The following NLRP13 variants were observed in gnomAD, a reference collection of about 807,000 sequenced individuals.
NLRP13 encodes NLR family pyrin domain containing 13, also known as NACHT, LRR and PYD domains-containing protein 13.
In NLRP13, 82 loss-of-function variants were observed where a neutral mutation model predicts 94.4. That is an observed-to-expected ratio of 0.87 (90% confidence interval 0.73 to 1.04). NLRP13 has a LOEUF of 1.04. Ranked by LOEUF, NLRP13 falls within the 50% of genes least tolerant of loss-of-function variation. The pLI, the probability that NLRP13 is intolerant of heterozygous loss-of-function variation, is 0.00. For missense variants in NLRP13, 1,426 were observed against 1,230.8 expected (o/e 1.16, Z -2.37); for synonymous variants, 553 against 464.7 (o/e 1.19, Z -2.45).
chr19:55,930,113 G>A (rs1368890997), intron 1 of NLRP13, among the ~76,000 whole-genome samples: 3 of 152,100 alleles, frequency 2.0e-5, no homozygotes, highest in Admixed American at 2.0e-4. Context: ...CCGTGTCCAG[G>A]GTTCTGATAT....
intron 9 of NLRP13, among the ~76,000 whole-genome samples, chr19:55,900,199 A>C (rs1344560901): frequency 2.0e-5 from 3 of 152,182 alleles, no homozygotes; most frequent in Non-Finnish European, 2.9e-5. Flanking sequence ...AAAACAAGAA[A>C]GAATTCCCTA....
intron 4 of NLRP13, among the ~76,000 whole-genome samples, chr19:55,918,950 G>A (rs1437466791): frequency 3.9e-5 from 6 of 151,912 alleles, no homozygotes; most frequent in Non-Finnish European, 8.8e-5. Context: ...TATCCCTGAT[G>A]AACATAAGTG....
At chr19:55,926,259 C>T (rs747627785) in intron 1 of NLRP13, among the ~76,000 whole-genome samples, 4 of 152,224 alleles carry the variant, frequency 2.6e-5, no homozygotes, top group Non-Finnish European at 5.9e-5. Context: ...TAGCTGGGAC[C>T]ACCTGTCAGA....
chr19:55,931,718 A>AGACAGAAAGAAAGACAGAAAGAAAG, intron 1 of NLRP13, among the ~76,000 whole-genome samples: 2 of 96,020 alleles, frequency 2.1e-5, no homozygotes, highest in Non-Finnish European at 4.1e-5. Context: ...TCAAAAAAAA[A>AGACAGAAAGAAAGACAGAAAGAAAG]AAAAAAAGAA....
In NLRP13 at chr19:55,911,928, G is replaced by C. The variant is rs1201427838; in HGVS notation, c.1889C>G (p.Ser630Cys). The C allele has an allele frequency of 6.2e-7, 1 of 1,614,176 alleles. No individual in the cohort carries two copies. Among genetic ancestry groups the C allele is most frequent in the South Asian group, 1.1e-5 (1 of 91,078 alleles). Residue 630 changes from serine (S) to cysteine (C), a missense_variant, in exon 5 of 11, where the codon TCT (serine) becomes TGT (cysteine). Ser to Cys is a moderately radical substitution (Grantham distance 112). Coordinates refer to ENST00000342929, the MANE Select transcript of NLRP13 (RefSeq NM_176810.2). ...GEELGKAESA[S>C]LQFHILRLFH... ...AAGTCGTAGAATGTGAAATTGGAGAGAGGCACTTTCAGCCTTACCTAACTC... is the reference window on the plus strand; with the variant it reads ...AAGTCGTAGAATGTGAAATTGGAGACAGGCACTTTCAGCCTTACCTAACTC...
intron 7 of NLRP13, among the ~76,000 whole-genome samples, chr19:55,905,423 A>G (rs1399185085): frequency 1.3e-5 from 2 of 150,782 alleles, no homozygotes; most frequent in Non-Finnish European, 2.9e-5. Context: ...ATACACGTAT[A>G]TATACACACA....
intron 6 of NLRP13, 70 bp from the exon 7 acceptor site, chr19:55,908,026 C>T (rs1183629945): frequency 7.9e-6 from 11 of 1,394,702 alleles, no homozygotes; most frequent in African/African-American, 1.4e-5. Context: ...CGTCTGCCTC[C>T]TCACCCTGCC....
intron 1 of NLRP13, among the ~76,000 whole-genome samples, chr19:55,928,043 C>T (rs546336915): frequency 4.0e-4 from 61 of 152,310 alleles, no homozygotes; most frequent in African/African-American, 1.4e-3. Context: ...GCACTAAGAA[C>T]CACCTGATCC....
At chr19:55,918,625 GAAA>G (rs1986734333) in intron 4 of NLRP13, among the ~76,000 whole-genome samples, 1 of 151,926 alleles carries the variant, frequency 6.6e-6, no homozygotes, top group Non-Finnish European at 1.5e-5. Flanking sequence ...AACCCAAGAA[GAAA>G]TAGATAAATT....
rs1467197692 is a variant in NLRP13 at position 55,912,907 on chromosome 19, C to T, written c.910G>A (p.Glu304Lys). 1.9e-6 allele frequency: 3 copies of T among 1,614,162 alleles called. No homozygotes were observed. Among genetic ancestry groups the T allele is most frequent in the South Asian group, 1.1e-5 (1 of 91,092 alleles). The change falls in exon 5 of 11, where the codon GAG becomes AAG. Residue 304 changes from glutamate (E) to lysine (K), a missense_variant. Transcript: ENST00000342929. ...APIEEFMSQP[E>K]KLLFIIDGFE... ...CCATCAATAATAAACAGGAGCTTCT[C>T]TGGTTGAGACATGAACTCTTCAATG...
intron 7 of NLRP13, among the ~76,000 whole-genome samples, chr19:55,905,580 G>A (rs936791528): frequency 6.6e-6 from 1 of 151,924 alleles, no homozygotes; most frequent in Non-Finnish European, 1.5e-5. Flanking sequence ...TTGAACCCAA[G>A]AGGCAGAGGT....
At position 55,907,951 on chromosome 19, in the gene NLRP13, T is replaced by G. The variant is rs375200788; in HGVS notation, c.2288A>C (p.Lys763Thr). ...CAGAACCCACTCAGGAGTTACCGAT[T>G]TGCACCTGAGGAAGGGAAGGGACAT... ...PRCKVQKLTC[K>T]SVTPEWVLQD... is the part of the protein sequence containing the mutation. The change falls in exon 7 of 11, where the codon AAA (lysine) becomes ACA (threonine). Residue 763 changes from lysine (K) to threonine (T), a missense_variant. Lys to Thr is a moderately conservative substitution (Grantham distance 78, BLOSUM62 -1). Transcript: ENST00000342929. The G allele has an allele frequency of 6.3e-7, 1 of 1,594,188 alleles. No homozygotes were observed. Among genetic ancestry groups the G allele is most frequent in the African/African-American group, 1.3e-5 (1 of 74,344 alleles).
intron 1 of NLRP13, among the ~76,000 whole-genome samples, chr19:55,929,055 A>G (rs528018310): frequency 6.6e-6 from 1 of 152,352 alleles, no homozygotes; most frequent in East Asian, 1.9e-4. Context: ...TATTAGAGAA[A>G]TGCAAATCAA....
intron 4 of NLRP13, among the ~76,000 whole-genome samples, chr19:55,918,908 A>C (rs1002902178): frequency 1.3e-5 from 2 of 151,914 alleles, no homozygotes; most frequent in African/African-American, 2.4e-5. Context: ...GCCAAAGCTC[A>C]ACAAGGACAC....
At chr19:55,895,213 GAAAGA>G (rs1985973377), downstream of NLRP13, among the ~76,000 whole-genome samples, 1 of 92,454 alleles carries the variant, frequency 1.1e-5, no homozygotes, top group Non-Finnish European at 2.1e-5. Context: ...AAAAAAAAAA[GAAAGA>G]AAAGAAAAAG....
chr19:55,915,029 T>A (rs757746418), intron 4 of NLRP13, among the ~76,000 whole-genome samples: 5 of 152,112 alleles, frequency 3.3e-5, no homozygotes, highest in Non-Finnish European at 7.3e-5. Flanking sequence ...TGGTGATTAC[T>A]AGAAGCTGGG....
chr19:55,891,842 T>G, downstream of NLRP13: 1 of 379,230 alleles, frequency 2.6e-6, no homozygotes, highest in Non-Finnish European at 4.7e-6. Context: ...GACCTGGGCG[T>G]GCAATGGGCG....
chr19:55,931,718 A>AGAAAGAAAG, intron 1 of NLRP13, among the ~76,000 whole-genome samples: 1 of 96,032 alleles, frequency 1.0e-5, no homozygotes, highest in Non-Finnish European at 2.1e-5. Flanking sequence ...TCAAAAAAAA[A>AGAAAGAAAG]AAAAAAAGAA....
intron 4 of NLRP13, among the ~76,000 whole-genome samples, chr19:55,919,023 A>G (rs959767179): frequency 6.6e-6 from 1 of 152,152 alleles, no homozygotes; most frequent in Non-Finnish European, 1.5e-5. Flanking sequence ...ATAATACACC[A>G]TGACCAAGTG....
Sources: allele counts gnomAD v4.1 joint callset (sites outside exome capture counted in the v4.1 genomes callset), GRCh38; gene constraint gnomAD v4.1.1; transcripts MANE v1.5; gene names NCBI Gene and HGNC (gene_info 2026-07-23, HGNC 2026-07-21).